EFCAB6: variants seen among roughly 807,000 people sequenced by gnomAD.
The protein encoded by EFCAB6 is EF-hand calcium-binding domain-containing protein 6.
A neutral mutation model predicts 169.8 loss-of-function variants in EFCAB6; 156 were observed. The observed-to-expected ratio is 0.92, with a 90% CI of 0.81 to 1.05. EFCAB6 has a LOEUF of 1.05. EFCAB6 is among the 50% of genes least tolerant of loss of function. The pLI, the probability that EFCAB6 is intolerant of heterozygous loss-of-function variation, is 0.00. For missense variants in EFCAB6, 1,800 were observed against 1,829.1 expected, an observed-to-expected ratio of 0.98 and a Z score of 0.29; for synonymous variants, 698 against 676.4, an observed-to-expected ratio of 1.03 and a Z score of -0.50.
intron 24 of EFCAB6, among the ~76,000 whole-genome samples, chr22:43,584,594 A>G (rs2050936962): frequency 1.3e-5 from 2 of 152,138 alleles, no homozygotes; most frequent in Admixed American, 1.3e-4. Context: ...ACAACTTTCC[A>G]AGGGAAAAGA....
intron 2 of EFCAB6, among the ~76,000 whole-genome samples, chr22:43,806,967 G>GT (rs2062944797): frequency 6.6e-6 from 1 of 152,218 alleles, no homozygotes; most frequent in Admixed American, 6.5e-5. Context: ...AAAATATGAA[G>GT]TAAAAGTTCT....
At chr22:43,626,296 T>C (rs1007287411) in intron 20 of EFCAB6, 151 bp downstream of exon 20, 5 of 748,072 alleles carry the variant, frequency 6.7e-6, no homozygotes, top group Non-Finnish European at 1.1e-5. Flanking sequence ...ACTGAGTGCA[T>C]ATTTCTTGTA....
intron 27 of EFCAB6, among the ~76,000 whole-genome samples, chr22:43,543,763 G>C (rs2047884725): frequency 6.6e-6 from 1 of 152,132 alleles, no homozygotes; most frequent in Non-Finnish European, 1.5e-5. Context: ...CAGGAGCCCA[G>C]CACCAGCAAA....
intron 10 of EFCAB6, among the ~76,000 whole-genome samples, chr22:43,710,133 T>A (rs977835698): frequency 6.6e-6 from 1 of 152,130 alleles, no homozygotes; most frequent in African/African-American, 2.4e-5. Context: ...GAAAACCAGG[T>A]AAAGAGAGTA....
intron 2 of EFCAB6, among the ~76,000 whole-genome samples, chr22:43,794,528 G>A (rs146894725): frequency 1.2e-4 from 18 of 152,264 alleles, no homozygotes; most frequent in African/African-American, 2.4e-4. Flanking sequence ...GTGTGTATTC[G>A]TATGTAAACA....
intron 10 of EFCAB6, among the ~76,000 whole-genome samples, chr22:43,706,156 C>T (rs137822): frequency 0.11 from 17,015 of 152,040 alleles, 1,012 homozygotes; most frequent in Non-Finnish European, 0.13. Context: ...CACGAAGAAA[C>T]AGAAAATATT....
chr22:43,573,128 T>C (rs948941075), intron 26 of EFCAB6, among the ~76,000 whole-genome samples: 2 of 152,144 alleles, frequency 1.3e-5, no homozygotes, highest in African/African-American at 2.4e-5. Context: ...AGACTGATCA[T>C]TTAGGAAATG....
intron 26 of EFCAB6, among the ~76,000 whole-genome samples, chr22:43,561,305 C>T (rs186400675): frequency 3.3e-5 from 5 of 150,724 alleles, no homozygotes; most frequent in African/African-American, 9.8e-5. Flanking sequence ...TGCAGTGAGC[C>T]GAGATCGTGC....
Position 43,607,798 on chromosome 22 carries a change from A to G in EFCAB6, c.2681+684T>C, listed in dbSNP as rs5764157. Among the ~76,000 whole-genome samples the G allele has an allele frequency of 8.2e-3, 1,252 of 152,308 alleles. 23 individuals are homozygous for G. The highest frequency in any genetic ancestry group is 0.074 in the East Asian group (383 of 5,180). ...GAATACAGGTGACTACGGACATATA[A>G]TGAAGAAGGAGGTAATTTGAAGTTG... On this transcript the variant is annotated intron_variant, in intron 22 of 31. Coordinates refer to ENST00000262726, the MANE Select transcript of EFCAB6 (RefSeq NM_022785.4).
intron 7 of EFCAB6, among the ~76,000 whole-genome samples, chr22:43,732,452 A>T (rs1303304704): frequency 6.7e-6 from 1 of 149,688 alleles, no homozygotes; most frequent in Non-Finnish European, 1.5e-5. Context: ...TATTCCTGAA[A>T]CATACTGAAA....
rs1054030734 is a variant in EFCAB6, at chr22:43,781,036, C to T, written c.139+1144G>A. Among the ~76,000 whole-genome samples the T allele has an allele frequency of 2.6e-5, 4 of 152,168 alleles. No homozygotes were observed. The South Asian group carries it at 6.2e-4, about 24-fold the overall frequency. ...CTCTAGACTGTGAGCTTGTCTAGGG[C>T]GGGCCTTCTCTCAGGTGCATCTCTT... On this transcript the variant is annotated intron_variant, in intron 3 of 31. Coordinates refer to ENST00000262726, the MANE Select transcript of EFCAB6 (RefSeq NM_022785.4).
intron 17 of EFCAB6, among the ~76,000 whole-genome samples, chr22:43,666,425 C>A (rs2057251425): frequency 6.6e-6 from 1 of 152,198 alleles, no homozygotes; most frequent in Non-Finnish European, 1.5e-5. Context: ...TGTAATTATA[C>A]TCTTCTTGGA....
intron 27 of EFCAB6, among the ~76,000 whole-genome samples, chr22:43,550,940 C>A (rs142734494): frequency 1.3e-3 from 194 of 152,268 alleles, no homozygotes; most frequent in African/African-American, 4.5e-3. Context: ...AGGTTAATTG[C>A]ACCAAAGGGT....
intron 19 of EFCAB6, among the ~76,000 whole-genome samples, chr22:43,627,391 G>T (rs2054603236): frequency 6.6e-6 from 1 of 152,182 alleles, no homozygotes; most frequent in Non-Finnish European, 1.5e-5. Context: ...CGTGACCATG[G>T]GTGAGATAAC....
intron 22 of EFCAB6, among the ~76,000 whole-genome samples, chr22:43,602,245 T>G (rs2052575503): frequency 6.6e-6 from 1 of 152,206 alleles, no homozygotes; most frequent in Non-Finnish European, 1.5e-5. Flanking sequence ...ATGGCCTTAA[T>G]TTTGCAACCC....
intron 20 of EFCAB6, among the ~76,000 whole-genome samples, chr22:43,619,722 T>C (rs924246651): frequency 2.2e-4 from 34 of 152,172 alleles, no homozygotes; most frequent in African/African-American, 8.2e-4. Flanking sequence ...AAAAATAACA[T>C]AGTCTCAGAG....
chr22:43,534,930 C>T (rs2047299684), intron 29 of EFCAB6, 58 bp from the exon 30 acceptor site: 3 of 1,531,200 alleles, frequency 2.0e-6, no homozygotes, highest in Admixed American at 1.9e-5. Context: ...TCATTCTTCA[C>T]TCATTCATTC....
chr22:43,796,596 A>G (rs2062517676), intron 2 of EFCAB6, among the ~76,000 whole-genome samples: 1 of 152,122 alleles, frequency 6.6e-6, no homozygotes, highest in Non-Finnish European at 1.5e-5. Context: ...AAGTCGTGTC[A>G]GAAACACTGA....
intron 4 of EFCAB6, among the ~76,000 whole-genome samples, chr22:43,769,643 T>G (rs1447418663): frequency 6.6e-6 from 1 of 152,138 alleles, no homozygotes; most frequent in Non-Finnish European, 1.5e-5. Context: ...CCTCCTCCTT[T>G]TCTATCTTTT....
Sources: gnomAD v4.1 joint callset for allele counts (sites outside exome capture counted in the v4.1 genomes callset) on GRCh38, gnomAD v4.1.1 for gene constraint, MANE v1.5 for transcripts, NCBI Gene and HGNC (gene_info 2026-07-23, HGNC 2026-07-21) for gene names.